The following DMD variants were observed in gnomAD, a reference collection of about 807,000 sequenced individuals.
DMD encodes dystrophin.
A neutral mutation model predicts 330.1 loss-of-function variants in DMD; 63 were observed. The ratio of observed to expected loss-of-function variants is 0.19; its 90% CI spans 0.16 to 0.24. The LOEUF (loss-of-function observed/expected upper bound fraction) is 0.24, where lower values mean the gene tolerates loss of function less well. DMD is among the 10% of genes least tolerant of loss of function. The pLI is 1.00. For synonymous variants in DMD, 1,223 were observed against 959.8 expected, an observed-to-expected ratio of 1.27 and a Z score of -5.07; for missense variants, 3,344 against 2,684.1, an observed-to-expected ratio of 1.25 and a Z score of -5.43.
intron 9 of DMD, among the ~76,000 whole-genome samples, chrX:32,669,932 A>G (rs1055181814): frequency 2.7e-5 from 3 of 111,050 alleles, no homozygotes; most frequent in African/African-American, 9.8e-5. Flanking sequence ...TCCCCTAACC[A>G]TATGCCCTAC....
intron 13 of DMD, among the ~76,000 whole-genome samples, chrX:32,586,314 G>A (rs1180429765): frequency 9.2e-6 from 1 of 108,941 alleles, no homozygotes; most frequent in Non-Finnish European, 1.9e-5. Context: ...TGTGACAGGT[G>A]TTAATATATA....
intron 6 of DMD, among the ~76,000 whole-genome samples, chrX:32,815,520 TACAC>T (rs1557051739): frequency 1.3e-5 from 1 of 78,958 alleles, no homozygotes; most frequent in Non-Finnish European, 2.3e-5. Context: ...TATATATATA[TACAC>T]ACACACACAC....
rs376014160 is a variant in DMD, at chrX:31,420,542, T to C, written c.9084+23939A>G. On this transcript the variant is annotated intron_variant, in intron 60 of 78. Coordinates refer to ENST00000357033, the MANE Select transcript of DMD (RefSeq NM_004006.3). Reference sequence around the variant, plus strand: ...CATCTGTTTTTTTTAATCACCCTTATAGCAAGTTAGTTTTAAAGAAGTGAG... The same window carrying C: ...CATCTGTTTTTTTTAATCACCCTTACAGCAAGTTAGTTTTAAAGAAGTGAG... Among the ~76,000 whole-genome samples the C allele has an allele frequency of 4.5e-4, 51 of 112,540 alleles. No individual in the cohort carries two copies. In the East Asian group the frequency reaches 0.01, roughly 23 times the overall value.
At chrX:32,741,499 A>G (rs772827627) in intron 7 of DMD, among the ~76,000 whole-genome samples, 1 of 111,887 alleles carries the variant, frequency 8.9e-6, no homozygotes, top group South Asian at 3.8e-4. Flanking sequence ...GGTGATATCC[A>G]TGAGTCCATA....
chrX:32,519,575 T>A, intron 17 of DMD, among the ~76,000 whole-genome samples: 1 of 111,976 alleles, frequency 8.9e-6, no homozygotes, highest in South Asian at 3.7e-4. Context: ...TATAATACTT[T>A]CATTGATATA....
chrX:32,148,038 A>C (rs746402189), intron 44 of DMD, among the ~76,000 whole-genome samples: 42 of 108,844 alleles, frequency 3.9e-4, no homozygotes, highest in African/African-American at 1.4e-3. Context: ...CTACCACGCC[A>C]GGCTAATTTT....
intron 12 of DMD, among the ~76,000 whole-genome samples, chrX:32,604,114 C>T (rs2056466286): frequency 9.1e-6 from 1 of 110,387 alleles, no homozygotes; most frequent in African/African-American, 3.3e-5. Flanking sequence ...TGCTAGCAAA[C>T]CAAACCCAAA....
intron 59 of DMD, among the ~76,000 whole-genome samples, chrX:31,459,709 C>T (rs1429410241): frequency 8.9e-6 from 1 of 111,914 alleles, no homozygotes; most frequent in East Asian, 2.8e-4. Flanking sequence ...GTTAGATCCT[C>T]CAGCCTCATT....
intron 21 of DMD, among the ~76,000 whole-genome samples, chrX:32,473,396 C>T (rs971447825): frequency 3.6e-5 from 4 of 111,093 alleles, no homozygotes; most frequent in Admixed American, 1.9e-4. Flanking sequence ...TGGCAGAAGC[C>T]ATATTTAAAC....
chrX:33,008,005 A>G (rs1001647061), intron 2 of DMD, among the ~76,000 whole-genome samples: 5 of 111,449 alleles, frequency 4.5e-5, no homozygotes, highest in African/African-American at 1.3e-4. Flanking sequence ...ATTTGTTCTC[A>G]TTAAAAGACA....
intron 16 of DMD, among the ~76,000 whole-genome samples, chrX:32,558,944 T>TTTTTTTTTTTTTTCC (rs1569199589): frequency 2.6e-5 from 1 of 38,214 alleles, no homozygotes; most frequent in African/African-American, 8.3e-5. Context: ...TTTTCTTTTT[T>TTTTTTTTTTTTTTCC]TTTTTTTTTT....
rs757394130 is a variant in DMD at position 31,774,075 on chromosome X, T to C, written c.7427A>G (p.Asn2476Ser). ...MLEVPALADF[N>S]RAWTELTDWL... is the part of the protein sequence containing the mutation. ...GTCGGTAAGTTCTGTCCAAGCCCGG[T>C]TGAAATCTGCCAGAGCAGGTACCTC... The change falls in exon 51 of 79, where the codon AAC (asparagine) becomes AGC (serine). Residue 2476 changes from asparagine (N) to serine (S), a missense_variant. Transcript: ENST00000357033. 37 of 1,208,662 alleles carry C rather than the reference T, an allele frequency of 3.1e-5. No individual in the cohort carries two copies. The highest frequency in any genetic ancestry group is 2.1e-4 in the East Asian group (7 of 33,718).
At chrX:31,573,728 G>A (rs115522552) in intron 55 of DMD, among the ~76,000 whole-genome samples, 7,353 of 111,192 alleles carry the variant, frequency 0.066, 200 homozygotes, top group African/African-American at 0.1. Context: ...ATATACAAAT[G>A]AAGCACATTA....
intron 61 of DMD, among the ~76,000 whole-genome samples, chrX:31,332,759 G>A (rs1437928204): frequency 8.9e-6 from 1 of 112,098 alleles, no homozygotes; most frequent in East Asian, 2.8e-4. Flanking sequence ...AGGATTAAAC[G>A]GGTTAATCTA....
intron 1 of DMD, among the ~76,000 whole-genome samples, chrX:33,048,694 TAAAAA>T (rs748856962): frequency 0.19 from 6,550 of 35,373 alleles, 335 homozygotes; most frequent in East Asian, 0.43. Flanking sequence ...ACTCCCCATC[TAAAAA>T]AAAAAAAAAA....
intron 63 of DMD, among the ~76,000 whole-genome samples, chrX:31,234,142 C>T (rs186121377): frequency 9.0e-6 from 1 of 111,716 alleles, no homozygotes; most frequent in East Asian, 2.8e-4. Flanking sequence ...ATTCAAATTA[C>T]CAGCTTGGCC....
At chrX:32,030,023 G>A (rs992935199) in intron 44 of DMD, among the ~76,000 whole-genome samples, 2 of 111,928 alleles carry the variant, frequency 1.8e-5, no homozygotes. Flanking sequence ...CTCAGAATTT[G>A]CTCTAAGCCT....
chrX:32,855,769 G>A (rs1319569853), intron 2 of DMD, among the ~76,000 whole-genome samples: 1 of 111,496 alleles, frequency 9.0e-6, no homozygotes, highest in East Asian at 2.8e-4. Context: ...AATATTTCTT[G>A]AGCAATACCC....
At chrX:33,210,492 T>C (rs1938898551) in intron 1 of DMD, among the ~76,000 whole-genome samples, 1 of 111,106 alleles carries the variant, frequency 9.0e-6, no homozygotes. Flanking sequence ...GTTGTATTTC[T>C]ATATGAAAGA....
Sources: allele counts gnomAD v4.1 joint callset (sites outside exome capture counted in the v4.1 genomes callset), GRCh38; gene constraint gnomAD v4.1.1; transcripts MANE v1.5; gene names NCBI Gene and HGNC (gene_info 2026-07-23, HGNC 2026-07-21).